UPK1B: variants seen among roughly 807,000 people sequenced by gnomAD.
UPK1B encodes uroplakin 1B.
A neutral mutation model predicts 34.2 loss-of-function variants in UPK1B; 28 were observed. The observed-to-expected ratio is 0.82, with a 90% CI of 0.61 to 1.12. The LOEUF is 1.12. UPK1B is among the 50% of genes most tolerant of loss of function. The probability of loss-of-function intolerance (pLI) is 0.00; values close to 1 mark genes in which losing one functional copy is unlikely to be tolerated. For missense variants in UPK1B, 325 were observed against 320.9 expected, an observed-to-expected ratio of 1.01 and a Z score of -0.10; for synonymous variants, 81 against 110.4, an observed-to-expected ratio of 0.73 and a Z score of 1.67.
intron 6 of UPK1B, among the ~76,000 whole-genome samples, chr3:119,196,397 T>G (rs1355285471): frequency 3.3e-5 from 5 of 152,146 alleles, no homozygotes; most frequent in Non-Finnish European, 5.9e-5. Context: ...TTTTTCTGAG[T>G]CTCCTTGAGG....
chr3:119,200,613 C>A (rs7625352), intron 7 of UPK1B, among the ~76,000 whole-genome samples: 3,833 of 152,224 alleles, frequency 0.025, 151 homozygotes, highest in African/African-American at 0.085. Flanking sequence ...ATTGATATTG[C>A]CACATGGAAA....
Position 119,199,816 on chromosome 3 carries a change from C to T in UPK1B, c.732+676C>T, listed in dbSNP as rs188268842. 2.0e-5 allele frequency among the ~76,000 whole-genome samples: 3 copies of T among 152,290 alleles called. No individual in the cohort carries two copies. The East Asian group carries it at 5.8e-4, about 29-fold the overall frequency. On this transcript the variant is annotated intron_variant, in intron 7 of 7. Coordinates refer to ENST00000264234, the MANE Select transcript of UPK1B (RefSeq NM_006952.4). ...AGAAGCAGTCACAAACTTTTGATTT[C>T]AGAACCCCTTTACACTCTCAAAAAT...
intron 1 of UPK1B, among the ~76,000 whole-genome samples, chr3:119,175,012 CTTTTTTTTTTTTTTTTTTTTTTTTT>C (rs374721069): frequency 3.0e-5 from 2 of 67,452 alleles, no homozygotes; most frequent in East Asian, 4.7e-4. Flanking sequence ...CTTTTATTTT[CTTTTTTTTTTTTTTTTTTTTTTTTT>C]TTTTTTTTTT....
At chr3:119,201,383 T>C (rs1165995750) in intron 7 of UPK1B, among the ~76,000 whole-genome samples, 1 of 152,152 alleles carries the variant, frequency 6.6e-6, no homozygotes, top group Admixed American at 6.5e-5. Flanking sequence ...GGACTCACAA[T>C]CATGGCAGAA....
At chr3:119,194,191 G>T in intron 5 of UPK1B, 28 bp from the exon 6 acceptor site, 1 of 1,610,132 alleles carries the variant, frequency 6.2e-7, no homozygotes, top group Middle Eastern at 1.7e-4. Context: ...CCACGAAAGA[G>T]AATTTTGTAT....
intron 6 of UPK1B, among the ~76,000 whole-genome samples, chr3:119,194,667 T>G (rs544311250): frequency 6.6e-6 from 1 of 152,364 alleles, no homozygotes; most frequent in South Asian, 2.1e-4. Context: ...ATTTGCACAA[T>G]GTATGGAATT....
intron 1 of UPK1B, among the ~76,000 whole-genome samples, chr3:119,179,389 A>T: frequency 1.1e-5 from 1 of 92,142 alleles, no homozygotes; most frequent in Non-Finnish European, 2.1e-5. Flanking sequence ...ATATATATAT[A>T]TATATATATT....
At chr3:119,177,440 T>C (rs188424219) in intron 1 of UPK1B, among the ~76,000 whole-genome samples, 24 of 152,338 alleles carry the variant, frequency 1.6e-4, no homozygotes, top group Admixed American at 3.9e-4. Context: ...TAATAACACA[T>C]CATGATCGTG....
chr3:119,183,316 C>T (rs2077998210), intron 1 of UPK1B, among the ~76,000 whole-genome samples: 1 of 148,670 alleles, frequency 6.7e-6, no homozygotes, highest in African/African-American at 2.5e-5. Context: ...TTGCCCAGTG[C>T]AGTGGCCCAA....
chr3:119,195,935 T>C (rs1455458796), intron 6 of UPK1B, among the ~76,000 whole-genome samples: 1 of 152,164 alleles, frequency 6.6e-6, no homozygotes, highest in Non-Finnish European at 1.5e-5. Context: ...ATTTTGACAA[T>C]GCTTCTAACA....
At chr3:119,199,753 A>C (rs1007125738) in intron 7 of UPK1B, among the ~76,000 whole-genome samples, 4 of 152,240 alleles carry the variant, frequency 2.6e-5, no homozygotes, top group African/African-American at 9.6e-5. Context: ...TATTTCCCCC[A>C]GATGATCTGC....
At chr3:119,197,875 T>C (rs1419685065) in intron 6 of UPK1B, among the ~76,000 whole-genome samples, 1 of 152,196 alleles carries the variant, frequency 6.6e-6, no homozygotes, top group East Asian at 1.9e-4. Flanking sequence ...AGATGATATT[T>C]GCAGAGGTTT....
At position 119,203,939 on chromosome 3, in the gene UPK1B, T is replaced by C. The variant is rs769037799; in HGVS notation, c.755T>C (p.Met252Thr). 2.5e-6 allele frequency: 4 copies of C among 1,614,038 alleles called. No individual in the cohort carries two copies. In the African/African-American group the frequency reaches 4.0e-5, roughly 16 times the overall value. Residue 252 changes from methionine (M) to threonine (T), a missense_variant, in exon 8 of 8, where the codon ATG (methionine) becomes ACG (threonine). Physicochemically the swap from Met to Thr is moderately conservative, Grantham distance 81. Coordinates refer to ENST00000264234, the MANE Select transcript of UPK1B (RefSeq NM_006952.4). The part of the protein sequence containing the change: ...CWTFWVLLGT[M>T]FYWSRIEY ...CAGTTTTGGGTTCTCCTGGGTACCA[T>C]GTTCTACTGGAGCAGAATTGAATAT...
chr3:119,202,487 AT>A (rs1161893616), intron 7 of UPK1B, among the ~76,000 whole-genome samples: 1 of 152,214 alleles, frequency 6.6e-6, no homozygotes, highest in African/African-American at 2.4e-5. Context: ...TCTAATAAAC[AT>A]TAGACCCTGT....
intron 5 of UPK1B, among the ~76,000 whole-genome samples, chr3:119,191,409 G>A (rs374509295): frequency 1.3e-5 from 2 of 152,050 alleles, no homozygotes; most frequent in East Asian, 1.9e-4. Flanking sequence ...CAAGGACCAG[G>A]CCCTATATCT....
intron 1 of UPK1B, among the ~76,000 whole-genome samples, chr3:119,184,556 A>G (rs1464292062): frequency 2.4e-5 from 3 of 124,186 alleles, no homozygotes. Flanking sequence ...CATCTCTACT[A>G]AAAATACAAA....
chr3:119,194,115 G>A, intron 5 of UPK1B, 104 bp from the exon 6 acceptor site: 7 of 1,131,728 alleles, frequency 6.2e-6, no homozygotes, highest in Admixed American at 2.5e-5. Context: ...TGTAAGATAT[G>A]GTACACTTTC....
At chr3:119,202,561 T>C (rs1576873789) in intron 7 of UPK1B, among the ~76,000 whole-genome samples, 2 of 152,342 alleles carry the variant, frequency 1.3e-5, no homozygotes, top group Non-Finnish European at 2.9e-5. Flanking sequence ...ATATTTATTT[T>C]ATAAATGTAG....
In UPK1B at chr3:119,204,179, T is replaced by G. The variant is rs1002193840; in HGVS notation, c.*212T>G. 5 of 538,838 alleles carry G rather than the reference T, an allele frequency of 9.3e-6. No homozygotes were observed. In the Admixed American group the frequency reaches 1.6e-4, roughly 18 times the overall value. 33.4% of individuals were successfully genotyped at this position (538,838 alleles called of 1,614,324 possible). A position where few individuals can be genotyped will look rare whatever the true frequency, so the allele number is the denominator to read the frequency against. ...TCCTAGTCTAGCATTCTGCAACATT[T>G]ATATAGACTGTTGAAAGGAGAATTT... On this transcript the variant is annotated 3_prime_UTR_variant, in exon 8 of 8. Transcript: ENST00000264234.
Sources: allele counts gnomAD v4.1 joint callset (sites outside exome capture counted in the v4.1 genomes callset), GRCh38; gene constraint gnomAD v4.1.1; transcripts MANE v1.5; gene names NCBI Gene and HGNC (gene_info 2026-07-23, HGNC 2026-07-21).